TENM2: variants seen among roughly 807,000 people sequenced by gnomAD.
TENM2 encodes teneurin transmembrane protein 2, also known as teneurin-2.
In TENM2, 52 loss-of-function variants were observed where a neutral mutation model predicts 245.2. The observed-to-expected ratio is 0.21, with a 90% CI of 0.17 to 0.27. The LOEUF (loss-of-function observed/expected upper bound fraction) is 0.27. Ranked by LOEUF, TENM2 falls within the 10% of genes least tolerant of loss-of-function variation. TENM2 has a pLI of 1.00. For missense variants in TENM2, 3,046 were observed against 3,666.8 expected (o/e 0.83, Z 4.37); for synonymous variants, 1,363 against 1,438.9 (o/e 0.95, Z 1.19).
At chr5:167,929,029 GAAAGAAAGAAAAGAAA>G (rs1465446485) in intron 3 of TENM2, among the ~76,000 whole-genome samples, 5 of 130,048 alleles carry the variant, frequency 3.8e-5, no homozygotes, top group Admixed American at 8.1e-5. Context: ...AGAAAGGAAA[GAAAGAAAGAAAAGAAA>G]AAAGAAAGAA....
At chr5:167,862,745 T>C (rs1209922363) in intron 2 of TENM2, among the ~76,000 whole-genome samples, 1 of 152,232 alleles carries the variant, frequency 6.6e-6, no homozygotes, top group Non-Finnish European at 1.5e-5. Flanking sequence ...ACGAAGAAAG[T>C]AAGCCAGGCT....
chr5:167,551,761 C>A (rs1262864938), intron 2 of TENM2, among the ~76,000 whole-genome samples: 2 of 152,124 alleles, frequency 1.3e-5, no homozygotes, highest in Admixed American at 6.5e-5. Context: ...CCATTGTGTG[C>A]CTTTGAGGGG....
At chr5:167,632,018 A>G (rs921288347) in intron 2 of TENM2, among the ~76,000 whole-genome samples, 9 of 151,970 alleles carry the variant, frequency 5.9e-5, no homozygotes, top group Non-Finnish European at 1.3e-4. Context: ...CAAATACCAA[A>G]CTTCTTGATC....
At chr5:166,984,933 A>T in the TENM2 span, among the ~76,000 whole-genome samples, 7 of 152,160 alleles carry the variant, frequency 4.6e-5, no homozygotes, top group Admixed American at 1.3e-4. Context: ...TTTATTTTTT[A>T]AAAATTCCTT....
intron 2 of TENM2, among the ~76,000 whole-genome samples, chr5:167,863,336 C>T (rs908072796): frequency 6.6e-6 from 1 of 152,064 alleles, no homozygotes; most frequent in African/African-American, 2.4e-5. Context: ...TGATGCTGGC[C>T]AGGCACAGTG....
intron 17 of TENM2, among the ~76,000 whole-genome samples, chr5:168,201,847 C>CAT (rs1480640929): frequency 7.1e-6 from 1 of 141,740 alleles, no homozygotes; most frequent in African/African-American, 2.9e-5. Flanking sequence ...TCCCATATAG[C>CAT]GTGGTTGGTT....
chr5:167,459,220 C>T (rs928157769), intron 2 of TENM2, among the ~76,000 whole-genome samples: 9 of 152,142 alleles, frequency 5.9e-5, no homozygotes, highest in African/African-American at 2.2e-4. Flanking sequence ...CTTCAGGTAC[C>T]TTATGTAAAG....
At chr5:167,733,623 T>A (rs982854190) in intron 2 of TENM2, among the ~76,000 whole-genome samples, 4 of 152,178 alleles carry the variant, frequency 2.6e-5, no homozygotes, top group Admixed American at 6.5e-5. Flanking sequence ...CTGAAGTTAG[T>A]TTTTAATAAG....
At chr5:167,676,302 T>A (rs1368624617) in intron 2 of TENM2, among the ~76,000 whole-genome samples, 1 of 152,068 alleles carries the variant, frequency 6.6e-6, no homozygotes, top group Non-Finnish European at 1.5e-5. Flanking sequence ...CACTCATTAG[T>A]CCCCTTCTTT....
chr5:167,905,182 C>T (rs910076768), intron 3 of TENM2, among the ~76,000 whole-genome samples: 6 of 152,120 alleles, frequency 3.9e-5, no homozygotes, highest in African/African-American at 1.2e-4. Context: ...ATAACTGTTT[C>T]CTAGAAACCC....
At chr5:167,202,156 T>TA in the TENM2 span, among the ~76,000 whole-genome samples, 1 of 152,298 alleles carries the variant, frequency 6.6e-6, no homozygotes, top group East Asian at 1.9e-4. Context: ...ACAATTCTCT[T>TA]AAAAATTTCT....
Position 168,247,346 on chromosome 5 carries a change from A to C in TENM2, c.6407A>C (p.Tyr2136Ser). 6.2e-7 allele frequency: 1 copy of C among 1,613,974 alleles called. No individual in the cohort carries two copies. The highest frequency in any genetic ancestry group is 8.5e-7 in the Non-Finnish European group (1 of 1,179,892). The change falls in exon 27 of 29, where the codon TAT becomes TCT. Residue 2136 changes from tyrosine to serine, a missense_variant. This residue lies in a region of TENM2 where 2,704 missense variants were observed against 3,331.9 expected (regional missense o/e 0.81). Coordinates refer to ENST00000518659, the Ensembl canonical transcript of TENM2. This position sits in a 1 kb window ranked among gnomAD's most constrained non-coding sequence, Gnocchi z 7.8. ...CACTTTGGTAAGTTTGGAGTCATCT[A>C]TTATGACATCAACCAGATCATCACC...
chr5:167,004,585 T>C, the TENM2 span, among the ~76,000 whole-genome samples: 1 of 152,244 alleles, frequency 6.6e-6, no homozygotes, highest in Non-Finnish European at 1.5e-5. Context: ...TGGCTTTGCT[T>C]TTTAGAATTC....
chr5:167,882,355 C>G (rs1481165444), intron 3 of TENM2, among the ~76,000 whole-genome samples: 1 of 152,120 alleles, frequency 6.6e-6, no homozygotes, highest in Non-Finnish European at 1.5e-5. Context: ...TGTGCTCTGA[C>G]AAGTCTTGGA....
chr5:167,084,338 T>TAC, the TENM2 span, among the ~76,000 whole-genome samples: 15 of 80,146 alleles, frequency 1.9e-4, no homozygotes, highest in African/African-American at 6.6e-4. Context: ...TATATATATA[T>TAC]ATATATATAT....
At position 167,742,977 on chromosome 5, in the gene TENM2, A is replaced by AAAC. The variant is rs139078440; in HGVS notation, c.503-132967_503-132965dup. 2.2e-3 allele frequency among the ~76,000 whole-genome samples: 332 copies of AAAC among 147,832 alleles called. 1 individual carries two copies. Among genetic ancestry groups the AAAC allele is most frequent in the South Asian group, 5.5e-3 (25 of 4,534 alleles). On this transcript the variant is annotated intron_variant, in intron 2 of 28. Coordinates refer to ENST00000518659, the Ensembl canonical transcript of TENM2. ...GTGACAGAGTGAGACCTTGTCTTAA[A>AAAC]AACAACAACAACAACAACAACAACA...
chr5:167,105,702 A>C, the TENM2 span, among the ~76,000 whole-genome samples: 5 of 150,606 alleles, frequency 3.3e-5, no homozygotes, highest in Admixed American at 1.3e-4. Context: ...TCCCGGCTAA[A>C]ACGGTGAAAC....
intron 1 of TENM2, among the ~76,000 whole-genome samples, chr5:167,322,855 T>G (rs1756851762): frequency 6.6e-6 from 1 of 152,194 alleles, no homozygotes; most frequent in African/African-American, 2.4e-5. Flanking sequence ...TCTTAATAGC[T>G]CCGATCACTT....
At chr5:167,891,788 C>T (rs1774782239) in intron 3 of TENM2, among the ~76,000 whole-genome samples, 1 of 152,108 alleles carries the variant, frequency 6.6e-6, no homozygotes, top group African/African-American at 2.4e-5. Flanking sequence ...GATCTATCAT[C>T]GCATCTGAGC....
Sources: allele counts gnomAD v4.1 joint callset (sites outside exome capture counted in the v4.1 genomes callset), GRCh38; gene constraint gnomAD v4.1.1; regional missense constraint gnomAD v4.1.1; non-coding constraint Gnocchi (gnomAD v3.1); transcripts MANE v1.5; gene names NCBI Gene and HGNC (gene_info 2026-07-23, HGNC 2026-07-21).